ZNF729: variants seen among roughly 807,000 people sequenced by gnomAD.
The protein encoded by ZNF729 is zinc finger protein 729.
ZNF729 carries 15 observed loss-of-function variants against 12.2 expected under a neutral mutation model. That is an observed-to-expected ratio of 1.23 (90% confidence interval 0.82 to 1.89). The LOEUF (loss-of-function observed/expected upper bound fraction) is 1.89. Ranked by LOEUF, ZNF729 falls within the 40% of genes most tolerant of loss-of-function variation. ZNF729 has a pLI of 0.00. For synonymous variants in ZNF729, 492 were observed against 476.3 expected, an observed-to-expected ratio of 1.03 and a Z score of -0.43; for missense variants, 1,540 against 1,456.7, an observed-to-expected ratio of 1.06 and a Z score of -0.93.
At chr19:22,310,475 T>C (rs1232192350) in intron 3 of ZNF729, among the ~76,000 whole-genome samples, 1 of 152,212 alleles carries the variant, frequency 6.6e-6, no homozygotes, top group Non-Finnish European at 1.5e-5. Context: ...ATTTTTGTTT[T>C]TATTCCTTTC....
chr19:22,316,940 C>T lies in ZNF729; in HGVS notation c.3523C>T (p.Leu1175Phe). The T allele has an allele frequency of 6.2e-7, 1 of 1,613,154 alleles. No homozygotes were observed. The highest frequency in any genetic ancestry group is 8.5e-7 in the Non-Finnish European group (1 of 1,179,982). The change falls in exon 4 of 4, where the codon CTT (leucine) becomes TTT (phenylalanine). Residue 1175 changes from leucine to phenylalanine, a missense_variant. Physicochemically the swap from Leu to Phe is conservative, Grantham distance 22. Coordinates refer to ENST00000601693, the MANE Select transcript of ZNF729 (RefSeq NM_001242680.2). ...CAAAGCCTTTAACCAGTCCTCACAC[C>T]TTACTAGACACAAAACAATTCATAC... Reference protein sequence around the residue: ...CGKAFNQSSHLTRHKTIHTGE... With the variant: ...CGKAFNQSSHFTRHKTIHTGE...
At position 22,315,381 on chromosome 19, in the gene ZNF729, C is replaced by T; in HGVS notation, c.1964C>T (p.Pro655Leu). ...AAAGCAATTCATACTGGAGAGAAAC[C>T]TTACAAATGTGAAGAATGTGGCAAA... ...RHKAIHTGEKPYKCEECGKAF... is the reference protein window; with the variant it reads ...RHKAIHTGEKLYKCEECGKAF... The change falls in exon 4 of 4, where the codon CCT (proline) becomes CTT (leucine). Residue 655 changes from proline to leucine, a missense_variant. Physicochemically the swap from Pro to Leu is moderately conservative, Grantham distance 98 (BLOSUM62 -3). Coordinates refer to ENST00000601693, the MANE Select transcript of ZNF729 (RefSeq NM_001242680.2). 6.2e-7 allele frequency: 1 copy of T among 1,613,388 alleles called. No individual in the cohort carries two copies.
chr19:22,292,666 C>G (rs183350094), intron 1 of ZNF729, among the ~76,000 whole-genome samples: 42 of 152,176 alleles, frequency 2.8e-4, no homozygotes, highest in Middle Eastern at 6.8e-3. Context: ...GTCTTGAACT[C>G]CTGAGCTCAG....
chr19:22,314,306 T>A lies in ZNF729; in HGVS notation c.889T>A (p.Cys297Ser). 6.2e-7 allele frequency: 1 copy of A among 1,610,748 alleles called. No homozygotes were observed. The highest frequency in any genetic ancestry group is 8.5e-7 in the Non-Finnish European group (1 of 1,179,274). ...AGAGAAAACCTACAAATGTGAAGAA[T>A]GTGGCAAAGCTTTTAAGGGGTCCTC... The part of the protein sequence containing the change: ...TGEKTYKCEE[C>S]GKAFKGSSNF... The change falls in exon 4 of 4, where the codon TGT (cysteine) becomes AGT (serine). Residue 297 changes from cysteine (C) to serine (S), a missense_variant. Physicochemically the swap from Cys to Ser is moderately radical, Grantham distance 112. Coordinates refer to ENST00000601693, the MANE Select transcript of ZNF729 (RefSeq NM_001242680.2).
chr19:22,301,110 C>T lies in ZNF729; in HGVS notation c.31-2648C>T, dbSNP rs115647405. On this transcript the variant is annotated intron_variant, in intron 1 of 3. Transcript: ENST00000601693. ...CAAGTAGCTATATATTAATAATGCA[C>T]ACTGGACACTATAACTTGTACCGTA... Among the ~76,000 whole-genome samples the T allele has an allele frequency of 1.9e-3, 296 of 152,278 alleles. 1 individual carries two copies. The highest frequency in any genetic ancestry group is 6.8e-3 in the African/African-American group (282 of 41,564).
Position 22,314,933 on chromosome 19 carries a change from C to T in ZNF729, c.1516C>T (p.His506Tyr), listed in dbSNP as rs1197306220. 3.1e-6 allele frequency: 5 copies of T among 1,612,586 alleles called. No individual in the cohort carries two copies. Among genetic ancestry groups the T allele is most frequent in the Admixed American group, 1.7e-5 (1 of 59,950 alleles). Residue 506 changes from histidine to tyrosine, a missense_variant, in exon 4 of 4, where the codon CAT becomes TAT. Transcript: ENST00000601693. ...TAACCATTTCTCAGACCTTAGAAGA[C>T]ATAAGATAATTCATACTGGAAAGAA... ...AFNHFSDLRR[H>Y]KIIHTGKKPY...
chr19:22,286,577 T>G, intron 1 of ZNF729, 22 bp downstream of exon 1: 1 of 1,613,808 alleles, frequency 6.2e-7, no homozygotes, highest in Non-Finnish European at 8.5e-7. Flanking sequence ...GGGTCCGACA[T>G]CCCGAGAAGG....
chr19:22,299,373 G>T (rs1968274295), intron 1 of ZNF729, among the ~76,000 whole-genome samples: 1 of 152,024 alleles, frequency 6.6e-6, no homozygotes, highest in South Asian at 2.1e-4. Flanking sequence ...GGGACTACAG[G>T]CTTGTGCCAC....
intron 1 of ZNF729, among the ~76,000 whole-genome samples, chr19:22,290,774 C>A (rs1443674023): frequency 6.6e-6 from 1 of 151,912 alleles, no homozygotes; most frequent in South Asian, 2.1e-4. Flanking sequence ...AAAAAAGAGA[C>A]AGTGTGCAGA....
chr19:22,315,322 A>G lies in ZNF729; in HGVS notation c.1905A>G (p.Lys635=), dbSNP rs1968516283. The G allele has an allele frequency of 6.2e-7, 1 of 1,613,418 alleles. No homozygotes were observed. Among genetic ancestry groups the G allele is most frequent in the African/African-American group, 1.3e-5 (1 of 74,894 alleles). The change falls in exon 4 of 4, where the codon AAA becomes AAG. Residue 635 remains lysine, a synonymous_variant. Coordinates refer to ENST00000601693, the MANE Select transcript of ZNF729 (RefSeq NM_001242680.2). ...KKPYKCEECG[K]AFRQSSHLTR... The stretch of plus-strand genomic sequence containing the variant: ...CGTACAAATGTGAAGAATGTGGCAA[A>G]GCTTTTAGGCAATCCTCACACCTTA...
Position 22,316,340 on chromosome 19 carries a change from C to G in ZNF729, c.2923C>G (p.Gln975Glu), listed in dbSNP as rs1049818736. 1.2e-6 allele frequency: 2 copies of G among 1,612,758 alleles called. No homozygotes were observed. The highest frequency in any genetic ancestry group is 2.7e-5 in the African/African-American group (2 of 74,624). The change falls in exon 4 of 4, where the codon CAA (glutamine) becomes GAA (glutamate). Residue 975 changes from glutamine (Q) to glutamate (E), a missense_variant. By Grantham distance (29) the Gln-to-Glu change is conservative. Coordinates refer to ENST00000601693, the MANE Select transcript of ZNF729 (RefSeq NM_001242680.2). ...TGCAGAATGTGGCAAAGCTTTTAAG[C>G]AATCCTCACATCTTACTAGACATAA... ...KCAECGKAFK[Q>E]SSHLTRHKAI... is the part of the protein sequence containing the mutation.
At chr19:22,308,270 T>C (rs4932975) in intron 3 of ZNF729, among the ~76,000 whole-genome samples, 19,809 of 152,208 alleles carry the variant, frequency 0.13, 1,505 homozygotes, top group East Asian at 0.28. Flanking sequence ...CATTGGTTAA[T>C]AGGCAATGGG....
intron 1 of ZNF729, among the ~76,000 whole-genome samples, chr19:22,300,347 G>T (rs977936293): frequency 1.3e-5 from 2 of 152,152 alleles, no homozygotes; most frequent in African/African-American, 4.8e-5. Context: ...TGACTGTGAT[G>T]CATGTCACAT....
At position 22,303,860 on chromosome 19, in the gene ZNF729, A is replaced by G. The variant is rs761422156; in HGVS notation, c.133A>G (p.Asn45Asp). ...TTTATATAGGGATGTGATGTTAGAG[A>G]ACTACAGAAACCTGGTCTTCCTGGG... The part of the protein sequence containing the change: ...QNLYRDVMLE[N>D]YRNLVFLGMA... The change falls in exon 2 of 4, where the codon AAC (asparagine) becomes GAC (aspartate). Residue 45 changes from asparagine (N) to aspartate (D), a missense_variant. Physicochemically the swap from Asn to Asp is conservative, Grantham distance 23. Coordinates refer to ENST00000601693, the MANE Select transcript of ZNF729 (RefSeq NM_001242680.2). 3.8e-6 allele frequency: 6 copies of G among 1,571,794 alleles called. No homozygotes were observed. The highest frequency in any genetic ancestry group is 5.2e-6 in the Non-Finnish European group (6 of 1,153,936).
chr19:22,300,953 ACTTT>A (rs1968296937), intron 1 of ZNF729, among the ~76,000 whole-genome samples: 1 of 152,128 alleles, frequency 6.6e-6, no homozygotes, highest in Admixed American at 6.5e-5. Context: ...AAAAAGAAAA[ACTTT>A]CTTTCTGAGA....
Position 22,313,748 on chromosome 19 carries a change from A to G in ZNF729, c.331A>G (p.Thr111Ala). 1 of 1,592,548 alleles carries G rather than the reference A, an allele frequency of 6.3e-7. No homozygotes were observed. The highest frequency in any genetic ancestry group is 1.8e-5 in the Admixed American group (1 of 55,548). The change falls in exon 4 of 4, where the codon ACA becomes GCA. Residue 111 changes from threonine to alanine, a missense_variant. By Grantham distance (58) the Thr-to-Ala change is moderately conservative. Coordinates refer to ENST00000601693, the MANE Select transcript of ZNF729 (RefSeq NM_001242680.2). ...TTCTTTCCAAGAAGTAATACTGAGAACATATGCAAGATGTGGACATAAGAA... is the reference window on the plus strand; with the variant it reads ...TTCTTTCCAAGAAGTAATACTGAGAGCATATGCAAGATGTGGACATAAGAA... ...KDSFQEVILRTYARCGHKNLR... is the reference protein window; with the variant it reads ...KDSFQEVILRAYARCGHKNLR...
rs779455027 is a variant in ZNF729, at chr19:22,314,711, T to G, written c.1294T>G (p.Tyr432Asp). 6.2e-7 allele frequency: 1 copy of G among 1,613,284 alleles called. No homozygotes were observed. The highest frequency in any genetic ancestry group is 1.3e-5 in the African/African-American group (1 of 75,022). Residue 432 changes from tyrosine (Y) to aspartate (D), a missense_variant, in exon 4 of 4, where the codon TAC (tyrosine) becomes GAC (aspartate). Tyr to Asp is a radical substitution (Grantham distance 160, BLOSUM62 -3). Coordinates refer to ENST00000601693, the MANE Select transcript of ZNF729 (RefSeq NM_001242680.2). The part of the protein sequence containing the change: ...HKIIHTGKKP[Y>D]KCEECGKAFN... The stretch of plus-strand genomic sequence containing the variant: ...GATAATTCATACTGGAAAGAAACCC[T>G]ACAAATGTGAAGAATGTGGCAAAGC...
intron 3 of ZNF729, among the ~76,000 whole-genome samples, chr19:22,313,329 G>A (rs941462774): frequency 6.6e-6 from 1 of 152,208 alleles, no homozygotes; most frequent in Non-Finnish European, 1.5e-5. Flanking sequence ...TGGGATTACA[G>A]GCATGAACTG....
At chr19:22,312,350 C>G (rs1378296346) in intron 3 of ZNF729, among the ~76,000 whole-genome samples, 2 of 151,660 alleles carry the variant, frequency 1.3e-5, no homozygotes, top group Non-Finnish European at 2.9e-5. Context: ...CATAATGTAG[C>G]CTTGTCCTGG....
Sources: gnomAD v4.1 joint callset for allele counts (sites outside exome capture counted in the v4.1 genomes callset) on GRCh38, gnomAD v4.1.1 for gene constraint, MANE v1.5 for transcripts, NCBI Gene and HGNC (gene_info 2026-07-23, HGNC 2026-07-21) for gene names.